Variants in CFAP221 observed in about 807,000 individuals in gnomAD.
The protein encoded by CFAP221 is cilia- and flagella-associated protein 221.
In CFAP221, 97 loss-of-function variants were observed where a neutral mutation model predicts 113.1. The observed-to-expected ratio is 0.86, with a 90% CI of 0.73 to 1.02. The LOEUF (loss-of-function observed/expected upper bound fraction) is 1.02. CFAP221 is among the 50% of genes least tolerant of loss of function. The pLI is 0.00. For synonymous variants in CFAP221, 331 were observed against 354.4 expected (o/e 0.93, Z 0.74); for missense variants, 1,025 against 1,013.4 (o/e 1.01, Z -0.16).
rs565458227 is a variant in CFAP221, at chr2:119,548,301, C to T, written c.140-784C>T. Among the ~76,000 whole-genome samples the T allele has an allele frequency of 4.9e-4, 75 of 152,280 alleles. 1 individual carries two copies. In the Middle Eastern group the frequency reaches 0.017, roughly 35 times the overall value. ...TACCAGCTGTGGGCAAGTTTCTTAACCTTGCTAAGTCTTACCTCCTTCATC... is the reference window on the plus strand; with the variant it reads ...TACCAGCTGTGGGCAAGTTTCTTAATCTTGCTAAGTCTTACCTCCTTCATC... On this transcript the variant is annotated intron_variant, in intron 2 of 23. Coordinates refer to ENST00000413369, the MANE Select transcript of CFAP221 (RefSeq NM_001271049.2).
At chr2:119,608,066 C>T (rs758965772) in intron 11 of CFAP221, among the ~76,000 whole-genome samples, 19 of 152,136 alleles carry the variant, frequency 1.2e-4, no homozygotes, top group Non-Finnish European at 2.5e-4. Context: ...CTATGTTTAA[C>T]TTTTTGTGGT....
chr2:119,639,917 G>A (rs781242017), intron 21 of CFAP221, 45 bp downstream of exon 21: 1 of 1,489,112 alleles, frequency 6.7e-7, no homozygotes, highest in South Asian at 1.1e-5. Context: ...TGTGCCCCAT[G>A]TATTACAGAG....
Position 119,625,659 on chromosome 2 carries a change from T to C in CFAP221, c.1487T>C (p.Ile496Thr), listed in dbSNP as rs748727651. 3.5e-5 allele frequency: 56 copies of C among 1,612,874 alleles called. No individual in the cohort carries two copies. The Admixed American group carries it at 4.3e-4, about 12-fold the overall frequency. Residue 496 changes from isoleucine (I) to threonine (T), a missense_variant, in exon 15 of 24, where the codon ATT becomes ACT. Coordinates refer to ENST00000413369, the MANE Select transcript of CFAP221 (RefSeq NM_001271049.2). ...EMDKESILRK[I>T]GQAKQSIAQE... is the part of the protein sequence containing the mutation. ...GACAAAGAGAGTATACTGAGAAAGA[T>C]TGGCCAAGCAAAACAATCGATAGCA...
At chr2:119,575,373 T>C (rs1229168022) in intron 6 of CFAP221, among the ~76,000 whole-genome samples, 1 of 152,132 alleles carries the variant, frequency 6.6e-6, no homozygotes, top group Non-Finnish European at 1.5e-5. Context: ...TGAATCTCCT[T>C]CCTCACCCCA....
Position 119,647,046 on chromosome 2 carries a change from G to A in CFAP221, c.2314G>A (p.Glu772Lys), listed in dbSNP as rs1558670319. 7.2e-6 allele frequency: 11 copies of A among 1,524,468 alleles called. No homozygotes were observed. The highest frequency in any genetic ancestry group is 2.1e-5 in the Admixed American group (1 of 48,622). The allele number at this position is 1,524,468 out of a possible 1,614,324, so 94.4% of individuals were successfully genotyped here. A position where few individuals can be genotyped will look rare whatever the true frequency, so the allele number is the denominator to read the frequency against. Residue 772 changes from glutamate to lysine, a missense_variant, in exon 22 of 24, where the codon GAA becomes AAA. Glu to Lys is a moderately conservative substitution (Grantham distance 56). Coordinates refer to ENST00000413369, the MANE Select transcript of CFAP221 (RefSeq NM_001271049.2). ...LPEEDRLETV[E>K]RELCEQNVEV... ...AGAAGAGGACAGACTAGAAACAGTA[G>A]AACGGTATTTTTTTTTTTTTTAATC...
chr2:119,615,250 C>A (rs1685446563), intron 13 of CFAP221, among the ~76,000 whole-genome samples: 1 of 152,174 alleles, frequency 6.6e-6, no homozygotes, highest in South Asian at 2.1e-4. Flanking sequence ...TAAAGTAGTC[C>A]TACCCAGCCA....
intron 7 of CFAP221, among the ~76,000 whole-genome samples, chr2:119,594,406 T>A (rs771401282): frequency 6.6e-6 from 1 of 152,018 alleles, no homozygotes; most frequent in Non-Finnish European, 1.5e-5. Context: ...CGGCTAATTT[T>A]TTTTTGTTAT....
rs35631078 is a variant in CFAP221 at position 119,560,045 on chromosome 2, CTTTTTTTTTTT to C, written c.426+29_426+39del. 1.3e-3 allele frequency: 1,101 copies of C among 875,972 alleles called. 9 individuals are homozygous for C. Among genetic ancestry groups the C allele is most frequent in the Non-Finnish European group, 1.4e-3 (869 of 620,204 alleles). The allele number at this position is 875,972 out of a possible 1,614,324, so 54.3% of individuals were successfully genotyped here. ...CTGTAAGGTAGGTCTCTTAAAATTG[CTTTTTTTTTTT>C]TTTTTTTTTGATGGTGGGTTAAAAC... is the stretch of plus-strand genomic sequence containing the variant. On this transcript the variant is annotated intron_variant, in intron 5 of 23. Coordinates refer to ENST00000413369, the MANE Select transcript of CFAP221 (RefSeq NM_001271049.2).
At chr2:119,611,517 T>C in intron 12 of CFAP221, 136 bp from the exon 13 acceptor site, 1 of 652,014 alleles carries the variant, frequency 1.5e-6, no homozygotes. Context: ...TTTTACCCAC[T>C]TGTGTTTCAC....
chr2:119,651,523 A>G (rs981806647), intron 22 of CFAP221, among the ~76,000 whole-genome samples: 1 of 151,570 alleles, frequency 6.6e-6, no homozygotes, highest in Non-Finnish European at 1.5e-5. Flanking sequence ...ACTATTTAGC[A>G]ATATAGTGTT....
intron 16 of CFAP221, 137 bp downstream of exon 16, chr2:119,627,923 C>T: frequency 8.1e-7 from 1 of 1,232,056 alleles, no homozygotes; most frequent in Non-Finnish European, 1.1e-6. Context: ...GAGAGTATTA[C>T]CAGTGGAAAA....
At chr2:119,602,571 A>G (rs1473296785) in intron 8 of CFAP221, 3 of 960,446 alleles carry the variant, frequency 3.1e-6, no homozygotes, top group Non-Finnish European at 3.7e-6. Context: ...TCACTCCATG[A>G]TATCTTAGAT....
rs187679413 is a variant in CFAP221 at position 119,634,380 on chromosome 2, T to A, written c.1974+3479T>A. On this transcript the variant is annotated intron_variant, in intron 19 of 23. Coordinates refer to ENST00000413369, the MANE Select transcript of CFAP221 (RefSeq NM_001271049.2). ...TATTTGGGAGGCTGAGGTGGGAGGATCATTCGAGCCCAGGAGGTCGAGGTT... is the reference window on the plus strand; with the variant it reads ...TATTTGGGAGGCTGAGGTGGGAGGAACATTCGAGCCCAGGAGGTCGAGGTT... Among the ~76,000 whole-genome samples, 39 of 152,180 alleles carry A rather than the reference T, an allele frequency of 2.6e-4. No homozygotes were observed. In the East Asian group the frequency reaches 7.5e-3, roughly 29 times the overall value.
intron 14 of CFAP221, among the ~76,000 whole-genome samples, chr2:119,620,853 A>C (rs1685860120): frequency 6.6e-6 from 1 of 152,138 alleles, no homozygotes; most frequent in Non-Finnish European, 1.5e-5. Flanking sequence ...GACCCATCTC[A>C]CATGCAGAGA....
intron 6 of CFAP221, among the ~76,000 whole-genome samples, chr2:119,571,128 A>ACC (rs1416951836): frequency 1.5e-5 from 2 of 130,990 alleles, no homozygotes; most frequent in South Asian, 2.4e-4. Flanking sequence ...TAGTATAACA[A>ACC]CCCCCTTTTT....
At chr2:119,561,835 C>G (rs1203451306) in intron 5 of CFAP221, among the ~76,000 whole-genome samples, 179 bp from the exon 6 acceptor site, 1 of 152,190 alleles carries the variant, frequency 6.6e-6, no homozygotes, top group Non-Finnish European at 1.5e-5. Flanking sequence ...TTAAAATTTT[C>G]TACGCTTTGT....
At chr2:119,594,509 G>A (rs1308622624) in intron 7 of CFAP221, among the ~76,000 whole-genome samples, 1 of 152,096 alleles carries the variant, frequency 6.6e-6, no homozygotes, top group Admixed American at 6.5e-5. Flanking sequence ...CTCCCAAAGT[G>A]CTGGGATTAC....
rs1683749685 is a variant in CFAP221, at chr2:119,593,671, C to G, written c.631+6449C>G. ...TGGCTAACACAGTGAAACCCTGTCT[C>G]TACTAAAAATACAAAAAATTAGCCA... On this transcript the variant is annotated intron_variant, in intron 7 of 23. Transcript: ENST00000413369. Among the ~76,000 whole-genome samples, 4 of 152,226 alleles carry G rather than the reference C, an allele frequency of 2.6e-5. No individual in the cohort carries two copies. The South Asian group carries it at 8.3e-4, about 32-fold the overall frequency.
chr2:119,591,425 A>G (rs867655776), intron 7 of CFAP221, among the ~76,000 whole-genome samples: 1 of 152,210 alleles, frequency 6.6e-6, no homozygotes, highest in African/African-American at 2.4e-5. Context: ...CTGGTGCTCA[A>G]TATACCCTTG....
Sources: allele counts gnomAD v4.1 joint callset (sites outside exome capture counted in the v4.1 genomes callset), GRCh38; gene constraint gnomAD v4.1.1; transcripts MANE v1.5; gene names NCBI Gene and HGNC (gene_info 2026-07-23, HGNC 2026-07-21).